The following DNAH8 variants were observed in gnomAD, a reference collection of about 807,000 sequenced individuals.
DNAH8 encodes the protein dynein axonemal heavy chain 8, also known as axonemal beta dynein heavy chain 8.
Under a neutral mutation model 562.1 loss-of-function variants are expected in DNAH8, and 382 were observed. The ratio of observed to expected loss-of-function variants is 0.68; its 90% CI spans 0.63 to 0.74. DNAH8 has a LOEUF of 0.74. Ranked by LOEUF, DNAH8 falls within the 30% of genes least tolerant of loss-of-function variation. The pLI is 0.00. For missense variants in DNAH8, 5,203 were observed against 5,620.4 expected (o/e 0.93, Z 2.37); for synonymous variants, 1,881 against 1,919.4 (o/e 0.98, Z 0.52).
chr6:38,733,060 T>G (rs1403563342), intron 4 of DNAH8, among the ~76,000 whole-genome samples: 1 of 152,138 alleles, frequency 6.6e-6, no homozygotes, highest in Non-Finnish European at 1.5e-5. Flanking sequence ...GGCTAATTTT[T>G]AAAAATTATT....
In DNAH8 at chr6:39,020,541, G is replaced by C. The variant is rs187110925; in HGVS notation, c.13715-6005G>C. On this transcript the variant is annotated intron_variant, in intron 91 of 92. Transcript: ENST00000327475. ...TCTTTTCTTTTTTATTTTACTTTAA[G>C]TTCCGGGATACATGTGCAGAACGTG... Among the ~76,000 whole-genome samples the C allele has an allele frequency of 2.1e-3, 315 of 152,158 alleles. 5 individuals carry two copies. The highest frequency in any genetic ancestry group is 6.5e-3 in the African/African-American group (269 of 41,510).
rs1292726905 is a variant in DNAH8 at position 38,935,577 on chromosome 6, GT to G, written c.11458-9del. 4 of 1,568,960 alleles carry G rather than the reference GT, an allele frequency of 2.5e-6. No individual in the cohort carries two copies. Among genetic ancestry groups the G allele is most frequent in the Non-Finnish European group, 2.6e-6 (3 of 1,148,292 alleles). On this transcript the variant is annotated splice_polypyrimidine_tract_variant and intron_variant, in intron 76 of 92. Transcript: ENST00000327475. ...AATTATAGTTCCAATGTTATTTTTT[GT>G]TTTTTAATGACAGGAGTTAGAGGCT...
chr6:38,850,155 C>G, intron 37 of DNAH8, 96 bp from the exon 38 acceptor site: 1 of 1,151,726 alleles, frequency 8.7e-7, no homozygotes, highest in South Asian at 1.6e-5. Context: ...CTAATAGAGG[C>G]TGGTTTGAAG....
intron 53 of DNAH8, among the ~76,000 whole-genome samples, chr6:38,877,857 T>C (rs1347683887): frequency 2.0e-5 from 3 of 152,222 alleles, no homozygotes; most frequent in Non-Finnish European, 4.4e-5. Context: ...CGGTTTTTTT[T>C]CAGAGATTGG....
chr6:38,842,283 T>G, intron 33 of DNAH8, 85 bp from the exon 34 acceptor site: 2 of 1,096,648 alleles, frequency 1.8e-6, no homozygotes, highest in Admixed American at 4.6e-5. Context: ...TATGAAATAT[T>G]TGATTGGATG....
At position 38,822,709 on chromosome 6, in the gene DNAH8, A is replaced by C. The variant is rs1772977070; in HGVS notation, c.3524-129A>C. 8 of 679,206 alleles carry C rather than the reference A, an allele frequency of 1.2e-5. No homozygotes were observed. The South Asian group carries it at 2.0e-4, about 17-fold the overall frequency. 42.1% of individuals were successfully genotyped at this position (679,206 alleles called of 1,614,324 possible). On this transcript the variant is annotated intron_variant, in intron 26 of 92. Coordinates refer to ENST00000327475, the MANE Select transcript of DNAH8 (RefSeq NM_001206927.2). ...AGAATAGCTCTTAATTACTCAAAATAGCTCTTAGTTTCTTGGAGGGAGAAT... is the reference window on the plus strand; with the variant it reads ...AGAATAGCTCTTAATTACTCAAAATCGCTCTTAGTTTCTTGGAGGGAGAAT...
At chr6:38,924,710 C>G (rs1480990447) in intron 73 of DNAH8, among the ~76,000 whole-genome samples, 2 of 152,212 alleles carry the variant, frequency 1.3e-5, no homozygotes, top group Non-Finnish European at 2.9e-5. Context: ...CTTGCTAATA[C>G]TGGGCCCTTC....
At chr6:38,983,115 T>C (rs1416904066) in intron 86 of DNAH8, among the ~76,000 whole-genome samples, 1 of 152,216 alleles carries the variant, frequency 6.6e-6, no homozygotes, top group Non-Finnish European at 1.5e-5. Context: ...TATAAAGGGT[T>C]GGAAATTTGT....
chr6:38,973,549 G>A, intron 83 of DNAH8, 112 bp from the exon 84 acceptor site: 2 of 728,356 alleles, frequency 2.7e-6, no homozygotes, highest in East Asian at 3.1e-5. Flanking sequence ...TTTTAAAAAT[G>A]TGTTCAAAAC....
intron 85 of DNAH8, among the ~76,000 whole-genome samples, chr6:38,981,273 C>G (rs916317475): frequency 6.6e-6 from 1 of 152,116 alleles, no homozygotes; most frequent in Admixed American, 6.6e-5. Flanking sequence ...AAAGCTGATG[C>G]CATAGAAACA....
intron 52 of DNAH8, among the ~76,000 whole-genome samples, chr6:38,874,178 CTT>C (rs1777771342): frequency 5.0e-5 from 5 of 100,684 alleles, no homozygotes; most frequent in Non-Finnish European, 8.2e-5. Flanking sequence ...CTCTTTCTTT[CTT>C]TCTCTCTCTC....
chr6:38,790,204 T>C, intron 19 of DNAH8, 85 bp from the exon 20 acceptor site: 1 of 787,828 alleles, frequency 1.3e-6, no homozygotes, highest in Non-Finnish European at 2.2e-6. Context: ...ATATAACATA[T>C]AATATTTGTA....
At chr6:38,929,273 C>G in intron 74 of DNAH8, 1 of 330,372 alleles carries the variant, frequency 3.0e-6, no homozygotes, top group Non-Finnish European at 5.5e-6. Flanking sequence ...AGCAATGCCC[C>G]TTAACCCTCC....
intron 91 of DNAH8, among the ~76,000 whole-genome samples, chr6:39,024,081 G>A (rs1767116855): frequency 1.3e-5 from 2 of 152,326 alleles, no homozygotes; most frequent in South Asian, 4.1e-4. Flanking sequence ...AGTCTTTGTA[G>A]CAGATGTGCT....
Position 38,909,644 on chromosome 6 carries a change from T to A in DNAH8, c.9640T>A (p.Tyr3214Asn), listed in dbSNP as rs757951025. 1 of 1,613,806 alleles carries A rather than the reference T, an allele frequency of 6.2e-7. No individual in the cohort carries two copies. Among genetic ancestry groups the A allele is most frequent in the Non-Finnish European group, 8.5e-7 (1 of 1,179,688 alleles). ...IAVASYFLSD[Y>N]NIVCSSEIKR... ...TGTGGCCTCCTACTTCCTTTCAGAC[T>A]ATAATATTGTCTGCTCTAGTGAAAT... Residue 3214 changes from tyrosine to asparagine, a missense_variant, in exon 65 of 93, where the codon TAT becomes AAT. Physicochemically the swap from Tyr to Asn is moderately radical, Grantham distance 143. This residue lies in a region of DNAH8 where 977 missense variants were observed against 1,061.8 expected (regional missense o/e 0.92). Coordinates refer to ENST00000327475, the MANE Select transcript of DNAH8 (RefSeq NM_001206927.2).
chr6:38,767,488 T>A (rs1032552499), intron 11 of DNAH8, among the ~76,000 whole-genome samples: 3 of 152,014 alleles, frequency 2.0e-5, no homozygotes, highest in African/African-American at 7.3e-5. Context: ...CCTAGTAACT[T>A]GTATTTACTG....
intron 87 of DNAH8, among the ~76,000 whole-genome samples, chr6:38,989,555 T>G (rs1210827588): frequency 6.6e-6 from 1 of 152,218 alleles, no homozygotes; most frequent in Non-Finnish European, 1.5e-5. Context: ...GGCCGTGTGC[T>G]GGGGCTCATT....
In DNAH8 at chr6:38,918,026, T is replaced by C; in HGVS notation, c.10410T>C (p.Asp3470=). 1 of 1,613,914 alleles carries C rather than the reference T, an allele frequency of 6.2e-7. No homozygotes were observed. The highest frequency in any genetic ancestry group is 8.5e-7 in the Non-Finnish European group (1 of 1,179,850). Residue 3470 remains aspartate, a synonymous_variant, in exon 70 of 93, where the codon GAT becomes GAC. Transcript: ENST00000327475. ...VELLQPYFNM[D]DYTFESAKKV... The stretch of plus-strand genomic sequence containing the variant: ...TACTACAGCCATATTTTAATATGGA[T>C]GATTATACTTTTGAAAGTGCCAAAA...
At position 38,722,583 on chromosome 6, in the gene DNAH8, G is replaced by T. The variant is rs1699016; in HGVS notation, c.-34-193G>T. On this transcript the variant is annotated intron_variant, in intron 1 of 92. Coordinates refer to ENST00000327475, the MANE Select transcript of DNAH8 (RefSeq NM_001206927.2). The stretch of plus-strand genomic sequence containing the variant: ...CTGAAAAAGCTCCCAGGTGGGTGGG[G>T]GTGTGTGTGTGTGTGTGTGTGCTGT... Among the ~76,000 whole-genome samples, 98,232 of 148,876 alleles carry T rather than the reference G, an allele frequency of 0.66. 32,544 individuals carry two copies. Among genetic ancestry groups the T allele is most frequent in the East Asian group, 0.92 (4,503 of 4,914 alleles).
Sources: allele counts gnomAD v4.1 joint callset (sites outside exome capture counted in the v4.1 genomes callset), GRCh38; gene constraint gnomAD v4.1.1; regional missense constraint gnomAD v4.1.1; transcripts MANE v1.5; gene names NCBI Gene and HGNC (gene_info 2026-07-23, HGNC 2026-07-21).